GOT1L1: variants seen among roughly 807,000 people sequenced by gnomAD.
GOT1L1 encodes the protein aspartate aminotransferase, cytoplasmic 2.
In GOT1L1, 38 loss-of-function variants were observed where a neutral mutation model predicts 43.6. That is an observed-to-expected ratio of 0.87 (90% CI 0.67 to 1.14). The LOEUF is 1.14. GOT1L1 is among the 50% of genes most tolerant of loss of function. The pLI, the probability that GOT1L1 is intolerant of heterozygous loss-of-function variation, is 0.00. For missense variants in GOT1L1, 482 were observed against 504.0 expected, an observed-to-expected ratio of 0.96 and a Z score of 0.42; for synonymous variants, 183 against 187.2, an observed-to-expected ratio of 0.98 and a Z score of 0.18.
rs774299822 is a variant in GOT1L1, at chr8:37,935,224, G to A, written c.930-9C>T. The A allele has an allele frequency of 1.3e-6, 2 of 1,580,212 alleles. No homozygotes were observed. The highest frequency in any genetic ancestry group is 1.7e-6 in the Non-Finnish European group (2 of 1,162,338). ...CTTTTAGACTCTGCTTCCTACCAAG[G>A]AAGGACAATGAGAAAGGAGGGTGTG... On this transcript the variant is annotated splice_polypyrimidine_tract_variant and intron_variant, in intron 7 of 8. Coordinates refer to ENST00000307599, the MANE Select transcript of GOT1L1 (RefSeq NM_152413.3).
chr8:37,937,741 A>G lies in GOT1L1; in HGVS notation c.306T>C (p.Gly102=), dbSNP rs756421814. The G allele has an allele frequency of 1.2e-6, 2 of 1,609,954 alleles. No individual in the cohort carries two copies. Residue 102 remains glycine (G), a synonymous_variant, in exon 3 of 9, where the codon GGT becomes GGC. Coordinates refer to ENST00000307599, the MANE Select transcript of GOT1L1 (RefSeq NM_152413.3). ...CACCACTGTCACCAACAGTGTGTAC[A>G]CCCCCTACCTGCCAGCAAGACATAG... ...SQAIVENRVG[G]VHTVGDSGAF...
intron 2 of GOT1L1, 94 bp downstream of exon 2, chr8:37,938,606 G>A: frequency 1.8e-6 from 2 of 1,097,602 alleles, no homozygotes; most frequent in East Asian, 2.6e-5. Flanking sequence ...AATACCAGGG[G>A]GCCCTCCGAG....
At position 37,938,968 on chromosome 8, in the gene GOT1L1, T is replaced by C. The variant is rs142289571; in HGVS notation, c.116-87A>G. 443 of 1,188,408 alleles carry C rather than the reference T, an allele frequency of 3.7e-4. 1 individual carries two copies. In the African/African-American group the frequency reaches 5.2e-3, roughly 14 times the overall value. The allele number at this position is 1,188,408 out of a possible 1,614,324, so 73.6% of individuals were successfully genotyped here. Reference sequence around the variant, plus strand: ...TGCAGACAGCCTGCAAACAAATCTCTCCTGGACTCCATGGGGCTGTGGGAA... The same window carrying C: ...TGCAGACAGCCTGCAAACAAATCTCCCCTGGACTCCATGGGGCTGTGGGAA... On this transcript the variant is annotated intron_variant, in intron 1 of 8. Transcript: ENST00000307599.
At chr8:37,939,431 A>AAAAATATATAT (rs1237987679) in intron 1 of GOT1L1, among the ~76,000 whole-genome samples, 5 of 41,702 alleles carry the variant, frequency 1.2e-4, no homozygotes, top group Admixed American at 3.0e-4. Flanking sequence ...AAAAAAAAAA[A>AAAAATATATAT]ATATATATAT....
chr8:37,937,898 G>A (rs1050597420), intron 2 of GOT1L1, 149 bp from the exon 3 acceptor site: 10 of 601,408 alleles, frequency 1.7e-5, no homozygotes, highest in Middle Eastern at 4.5e-4. Context: ...AAAATTAGCC[G>A]GATGTGGTGT....
rs868578031 is a variant in GOT1L1 at position 37,938,491 on chromosome 8, A to G, written c.297+209T>C. On this transcript the variant is annotated intron_variant, in intron 2 of 8. Transcript: ENST00000307599. Reference sequence around the variant, plus strand: ...CATTCCTGTCTTGAAAGAGCTTTCAAATCAGCAGTGTGAGCAGGTGGGAAT... The same window carrying G: ...CATTCCTGTCTTGAAAGAGCTTTCAGATCAGCAGTGTGAGCAGGTGGGAAT... Among the ~76,000 whole-genome samples, 95 of 152,344 alleles carry G rather than the reference A, an allele frequency of 6.2e-4. 1 individual carries two copies. Among genetic ancestry groups the G allele is most frequent in the Middle Eastern group, 3.4e-3 (1 of 294 alleles).
At position 37,936,722 on chromosome 8, in the gene GOT1L1, T is replaced by G. The variant is rs754302269; in HGVS notation, c.761A>C (p.Tyr254Ser). 7.5e-6 allele frequency: 12 copies of G among 1,609,448 alleles called. No individual in the cohort carries two copies. Among genetic ancestry groups the G allele is most frequent in the Non-Finnish European group, 1.0e-5 (12 of 1,176,354 alleles). Residue 254 changes from tyrosine to serine, a missense_variant and splice_region_variant, in exon 6 of 9, where the codon TAT (tyrosine) becomes TCT (serine). By Grantham distance (144) the Tyr-to-Ser change is moderately radical. Coordinates refer to ENST00000307599, the MANE Select transcript of GOT1L1 (RefSeq NM_152413.3). Reference sequence around the variant, plus strand: ...CCCTTCTTCTGCCTGTACCATACCATAAATGCCAAAATTCTTGGACAGAGA... The same window carrying G: ...CCCTTCTTCTGCCTGTACCATACCAGAAATGCCAAAATTCTTGGACAGAGA... ...SQSLSKNFGI[Y>S]DEGVGMLVVV...
chr8:37,938,324 G>A (rs1455452256), intron 2 of GOT1L1, among the ~76,000 whole-genome samples: 1 of 151,948 alleles, frequency 6.6e-6, no homozygotes, highest in East Asian at 1.9e-4. Context: ...TTGAACCTGG[G>A]AGGTGGAGGT....
In GOT1L1 at chr8:37,935,843, C is replaced by T. The variant is rs899554447; in HGVS notation, c.790G>A (p.Val264Met). 3 of 1,613,024 alleles carry T rather than the reference C, an allele frequency of 1.9e-6. No homozygotes were observed. The highest frequency in any genetic ancestry group is 1.7e-5 in the Admixed American group (1 of 59,894). The change falls in exon 7 of 9, where the codon GTG becomes ATG. Residue 264 changes from valine (V) to methionine (M), a missense_variant. Coordinates refer to ENST00000307599, the MANE Select transcript of GOT1L1 (RefSeq NM_152413.3). The stretch of plus-strand genomic sequence containing the variant: ...AGCAGCTGCTGGTTGTTGACTGCCA[C>T]CACCACTAGCATCCCCACTCCTTCA... ...YDEGVGMLVV[V>M]AVNNQQLLCV...
Position 37,937,742 on chromosome 8 carries a change from C to T in GOT1L1, c.305G>A (p.Gly102Asp). The change falls in exon 3 of 9, where the codon GGT becomes GAT. Residue 102 changes from glycine to aspartate, a missense_variant. Physicochemically the swap from Gly to Asp is moderately conservative, Grantham distance 94. Transcript: ENST00000307599. ...SQAIVENRVGGVHTVGDSGAF... is the reference protein window; with the variant it reads ...SQAIVENRVGDVHTVGDSGAF... ...ACCACTGTCACCAACAGTGTGTACA[C>T]CCCCTACCTGCCAGCAAGACATAGA... 11 of 1,610,278 alleles carry T rather than the reference C, an allele frequency of 6.8e-6. No individual in the cohort carries two copies. Among genetic ancestry groups the T allele is most frequent in the Non-Finnish European group, 8.5e-6 (10 of 1,177,816 alleles).
intron 1 of GOT1L1, among the ~76,000 whole-genome samples, chr8:37,939,201 G>A (rs1346369362): frequency 1.3e-5 from 2 of 151,802 alleles, no homozygotes; most frequent in Middle Eastern, 6.8e-3. Flanking sequence ...GATCACTTGA[G>A]TTCAGGAGTT....
chr8:37,939,416 G>GAAAAAAAAAA (rs4058283), intron 1 of GOT1L1, among the ~76,000 whole-genome samples: 6 of 21,400 alleles, frequency 2.8e-4, no homozygotes, highest in South Asian at 2.3e-3. Context: ...CCTGTCTCAA[G>GAAAAAAAAAA]AAAAAAAAAA....
Position 37,935,120 on chromosome 8 carries a change from C to G in GOT1L1, c.1025G>C (p.Gly342Ala), listed in dbSNP as rs1300410041. 1.9e-6 allele frequency: 3 copies of G among 1,613,668 alleles called. No individual in the cohort carries two copies. The highest frequency in any genetic ancestry group is 2.5e-6 in the Non-Finnish European group (3 of 1,179,824). Reference protein sequence around the residue: ...LQLLGTPGSWGHITEQSGTHG... With the variant: ...LQLLGTPGSWAHITEQSGTHG... ...GGTCCCACTCTGCTCGGTGATGTGA[C>G]CCCAGGACCCAGGGGTTCCCAGGAG... Residue 342 changes from glycine to alanine, a missense_variant, in exon 8 of 9, where the codon GGT (glycine) becomes GCT (alanine). By Grantham distance (60) the Gly-to-Ala change is moderately conservative (BLOSUM62 0). Transcript: ENST00000307599.
intron 6 of GOT1L1, 146 bp from the exon 7 acceptor site, chr8:37,936,015 C>T (rs1015833405): frequency 1.1e-5 from 9 of 822,094 alleles, no homozygotes; most frequent in African/African-American, 3.6e-5. Context: ...ATTCAGGCTC[C>T]GGGAAGTTGC....
At chr8:37,934,819 A>G (rs998781459) in intron 8 of GOT1L1, among the ~76,000 whole-genome samples, 1 of 151,750 alleles carries the variant, frequency 6.6e-6, no homozygotes, top group African/African-American at 2.4e-5. Context: ...CAGGTGACCC[A>G]CCCGCCTCGG....
chr8:37,935,012 T>C, intron 8 of GOT1L1, 61 bp downstream of exon 8: 2 of 1,584,276 alleles, frequency 1.3e-6, no homozygotes, highest in Non-Finnish European at 1.7e-6. Context: ...TCAGTGAAGT[T>C]TAATGCTCAA....
Position 37,935,082 on chromosome 8 carries a change from C to T in GOT1L1, c.1063G>A (p.Gly355Arg). The T allele has an allele frequency of 6.2e-7, 1 of 1,613,786 alleles. No homozygotes were observed. Among genetic ancestry groups the T allele is most frequent in the African/African-American group, 1.3e-5 (1 of 75,012 alleles). Residue 355 changes from glycine to arginine, a missense_variant, in exon 8 of 9, where the codon GGA (glycine) becomes AGA (arginine). By Grantham distance (125) the Gly-to-Arg change is moderately radical (BLOSUM62 -2). Transcript: ENST00000307599. ...CCCCCTAGACCCTTACAGTTGAGTC[C>T]AAGATAGCCGTGGGTCCCACTCTGC... ...TEQSGTHGYLGLNSQQVEYLV... is the reference protein window; with the variant it reads ...TEQSGTHGYLRLNSQQVEYLV...
chr8:37,939,286 C>T (rs1447157079), intron 1 of GOT1L1, among the ~76,000 whole-genome samples: 6 of 150,790 alleles, frequency 4.0e-5, no homozygotes, highest in African/African-American at 1.5e-4. Context: ...TGGTGACCAG[C>T]GCCTGTAGTC....
At position 37,936,751 on chromosome 8, in the gene GOT1L1, G is replaced by A; in HGVS notation, c.732C>T (p.Ser244=). The change falls in exon 6 of 9, where the codon AGC becomes AGT. Residue 244 remains serine, a synonymous_variant. Transcript: ENST00000307599. Reference sequence around the variant, plus strand: ...TGCCAAAATTCTTGGACAGAGACTGGCTGCAGAAGAACTCAAAGCCTTGAG... The same window carrying A: ...TGCCAAAATTCTTGGACAGAGACTGACTGCAGAAGAACTCAAAGCCTTGAG... ...FVSQGFEFFC[S]QSLSKNFGIY... The A allele has an allele frequency of 1.2e-6, 2 of 1,612,618 alleles. No homozygotes were observed. Among genetic ancestry groups the A allele is most frequent in the Non-Finnish European group, 1.7e-6 (2 of 1,178,782 alleles).
Sources: gnomAD v4.1 joint callset for allele counts (sites outside exome capture counted in the v4.1 genomes callset) on GRCh38, gnomAD v4.1.1 for gene constraint, MANE v1.5 for transcripts, NCBI Gene and HGNC (gene_info 2026-07-23, HGNC 2026-07-21) for gene names.